GREB1L: variants seen among roughly 807,000 people sequenced by gnomAD.
The protein encoded by GREB1L is GREB1-like protein.
Under a neutral mutation model 200.8 loss-of-function variants are expected in GREB1L, and 17 were observed. That is an observed-to-expected ratio of 0.08 (90% confidence interval 0.06 to 0.13). The LOEUF is 0.13. Ranked by LOEUF, GREB1L falls within the 10% of genes least tolerant of loss-of-function variation. The pLI, the probability that GREB1L is intolerant of heterozygous loss-of-function variation, is 1.00. For synonymous variants in GREB1L, 789 were observed against 893.0 expected (o/e 0.88, Z 2.08); for missense variants, 1,657 against 2,367.7 (o/e 0.70, Z 6.23).
chr18:21,316,304 G>A (rs2038867941), intron 1 of GREB1L, among the ~76,000 whole-genome samples: 1 of 152,120 alleles, frequency 6.6e-6, no homozygotes, highest in African/African-American at 2.4e-5. Flanking sequence ...ATTGGCAAAA[G>A]TAGGGCATGA....
chr18:21,449,108 G>A (rs1052957389), intron 11 of GREB1L, among the ~76,000 whole-genome samples: 3 of 152,118 alleles, frequency 2.0e-5, no homozygotes, highest in Non-Finnish European at 2.9e-5. Context: ...ACTTAAAATC[G>A]GTTATATACC....
At chr18:21,392,594 G>T (rs1835848149) in intron 4 of GREB1L, among the ~76,000 whole-genome samples, 1 of 151,862 alleles carries the variant, frequency 6.6e-6, no homozygotes, top group Admixed American at 6.6e-5. Context: ...ATGTTAAAAA[G>T]GGATCTATAA....
chr18:21,388,388 T>C (rs2040631934), intron 4 of GREB1L, among the ~76,000 whole-genome samples: 1 of 152,102 alleles, frequency 6.6e-6, no homozygotes, highest in Non-Finnish European at 1.5e-5. Flanking sequence ...AATGAACCAA[T>C]ATTGATACAT....
intron 23 of GREB1L, among the ~76,000 whole-genome samples, chr18:21,505,081 A>G (rs1333405236): frequency 6.6e-6 from 1 of 152,104 alleles, no homozygotes; most frequent in African/African-American, 2.4e-5. Context: ...GTATATTAAC[A>G]CCCCACAGTT....
intron 1 of GREB1L, among the ~76,000 whole-genome samples, chr18:21,286,288 T>TA (rs1216359477): frequency 6.6e-6 from 1 of 152,176 alleles, no homozygotes; most frequent in Non-Finnish European, 1.5e-5. Context: ...CTAGAATGTA[T>TA]ACTCAGGGGT....
chr18:21,493,895 T>TAAAAAAAAAAAAAA (rs2036442609), intron 19 of GREB1L, among the ~76,000 whole-genome samples: 1 of 18,196 alleles, frequency 5.5e-5, no homozygotes. Flanking sequence ...AAAAAAAAAG[T>TAAAAAAAAAAAAAA]CCTCATACAG....
intron 1 of GREB1L, among the ~76,000 whole-genome samples, chr18:21,283,693 G>T (rs551791921): frequency 6.6e-6 from 1 of 152,186 alleles, no homozygotes; most frequent in Non-Finnish European, 1.5e-5. Context: ...TTTAACATGA[G>T]CAGGGTACTC....
At chr18:21,281,639 A>G (rs1325561065) in intron 1 of GREB1L, among the ~76,000 whole-genome samples, 2 of 152,230 alleles carry the variant, frequency 1.3e-5, no homozygotes, top group Non-Finnish European at 2.9e-5. Context: ...AAATTTTGGT[A>G]CATGTCCATT....
chr18:21,318,033 G>T (rs186070969), intron 1 of GREB1L, among the ~76,000 whole-genome samples: 128 of 149,920 alleles, frequency 8.5e-4, no homozygotes, highest in African/African-American at 3.0e-3. Context: ...GCTTGAACCA[G>T]GGAGGTGGAG....
intron 17 of GREB1L, chr18:21,485,413 C>G: frequency 2.2e-6 from 1 of 448,000 alleles, no homozygotes. Context: ...ATCACATATT[C>G]AGTTCCTTTG....
At chr18:21,277,309 G>A (rs1444782779) in intron 1 of GREB1L, among the ~76,000 whole-genome samples, 3 of 152,158 alleles carry the variant, frequency 2.0e-5, no homozygotes, top group African/African-American at 7.2e-5. Flanking sequence ...TGTGAGGCTC[G>A]TGCAGGTGCC....
chr18:21,477,288 A>G lies in GREB1L; in HGVS notation c.2488A>G (p.Thr830Ala). The part of the protein sequence containing the change: ...LVLQVSSFPY[T>A]LQTQQSRISS... ...GCTCCAGGTCAGCTCCTTCCCATACACTCTGCAGACCCAACAGTCCCGCAT... is the reference window on the plus strand; with the variant it reads ...GCTCCAGGTCAGCTCCTTCCCATACGCTCTGCAGACCCAACAGTCCCGCAT... Residue 830 changes from threonine (T) to alanine (A), a missense_variant, in exon 17 of 33, where the codon ACT becomes GCT. Coordinates refer to ENST00000424526, the MANE Select transcript of GREB1L (RefSeq NM_001142966.3). The G allele has an allele frequency of 6.4e-7, 1 of 1,551,432 alleles. No homozygotes were observed. The highest frequency in any genetic ancestry group is 8.7e-7 in the Non-Finnish European group (1 of 1,146,912).
chr18:21,500,002 G>A lies in GREB1L; in HGVS notation c.3665G>A (p.Arg1222Gln), dbSNP rs866321290. 6.1e-5 allele frequency: 95 copies of A among 1,551,466 alleles called. No homozygotes were observed. The highest frequency in any genetic ancestry group is 5.5e-4 in the South Asian group (46 of 84,066). Residue 1222 changes from arginine to glutamine, a missense_variant, in exon 22 of 33, where the codon CGG (arginine) becomes CAG (glutamine). Physicochemically the swap from Arg to Gln is conservative, Grantham distance 43 (BLOSUM62 1). Coordinates refer to ENST00000424526, the MANE Select transcript of GREB1L (RefSeq NM_001142966.3). The stretch of plus-strand genomic sequence containing the variant: ...CCGGGACAGCCCATCAGAGGCTGCC[G>A]GGGCCCACAGGCAGCCCTGCCACCA... ...PWPGQPIRGC[R>Q]GPQAALPPVV...
intron 23 of GREB1L, among the ~76,000 whole-genome samples, chr18:21,502,757 C>T (rs1186339256): frequency 1.3e-5 from 2 of 152,206 alleles, no homozygotes; most frequent in Non-Finnish European, 1.5e-5. Flanking sequence ...AAGCCAGAGC[C>T]AAGCAGACCG....
chr18:21,505,451 A>G lies in GREB1L; in HGVS notation c.4112A>G (p.Glu1371Gly). The G allele has an allele frequency of 6.4e-7, 1 of 1,551,598 alleles. No homozygotes were observed. Among genetic ancestry groups the G allele is most frequent in the Non-Finnish European group, 8.7e-7 (1 of 1,146,968 alleles). Reference protein sequence around the residue: ...ESSEVSQSEGEPWPDIESFSK... With the variant: ...ESSEVSQSEGGPWPDIESFSK... ...AGTGAAGTGAGCCAGTCAGAGGGAG[A>G]GCCCTGGCCTGACATCGAGAGCTTC... The change falls in exon 24 of 33, where the codon GAG (glutamate) becomes GGG (glycine). Residue 1371 changes from glutamate to glycine, a missense_variant. Physicochemically the swap from Glu to Gly is moderately conservative, Grantham distance 98. Transcript: ENST00000424526.
intron 15 of GREB1L, among the ~76,000 whole-genome samples, chr18:21,472,320 G>T (rs1165780445): frequency 6.6e-6 from 1 of 152,186 alleles, no homozygotes; most frequent in Non-Finnish European, 1.5e-5. Context: ...ACAGTTTTAT[G>T]TGCCTAGAAC....
intron 21 of GREB1L, among the ~76,000 whole-genome samples, chr18:21,499,096 C>T (rs1293407382): frequency 6.6e-6 from 1 of 152,184 alleles, no homozygotes; most frequent in Admixed American, 6.5e-5. Context: ...GCAGGGCATC[C>T]CCCACCCTAG....
chr18:21,509,753 A>T (rs1198644146), intron 27 of GREB1L, among the ~76,000 whole-genome samples: 1 of 152,050 alleles, frequency 6.6e-6, no homozygotes, highest in Non-Finnish European at 1.5e-5. Flanking sequence ...TGCCTGCCTG[A>T]TCCTTAGGAG....
chr18:21,514,108 C>G (rs1474474949), intron 28 of GREB1L, 122 bp downstream of exon 28: 6 of 852,656 alleles, frequency 7.0e-6, no homozygotes, highest in Non-Finnish European at 1.1e-5. Flanking sequence ...AACAGTCAAC[C>G]ATGAGACCAC....
Sources: allele counts gnomAD v4.1 joint callset (sites outside exome capture counted in the v4.1 genomes callset), GRCh38; gene constraint gnomAD v4.1.1; transcripts MANE v1.5; gene names NCBI Gene and HGNC (gene_info 2026-07-23, HGNC 2026-07-21).